The following CTNNA3 variants were observed in gnomAD, a reference collection of about 807,000 sequenced individuals.
The protein encoded by CTNNA3 is catenin alpha 3.
CTNNA3 carries 76 observed loss-of-function variants against 95.7 expected under a neutral mutation model. That is an observed-to-expected ratio of 0.79 (90% CI 0.66 to 0.96). CTNNA3 has a LOEUF of 0.96. Among genes scored for constraint, CTNNA3 ranks in the 40% least tolerant of loss-of-function variants. The pLI is 0.00. For synonymous variants in CTNNA3, 431 were observed against 374.4 expected (o/e 1.15, Z -1.74); for missense variants, 1,191 against 1,089.8 (o/e 1.09, Z -1.31).
chr10:66,360,660 TTC>T lies in CTNNA3; in HGVS notation c.1732+18490_1732+18491del, dbSNP rs2092653094. Reference sequence around the variant, plus strand: ...CTTTCTTTCTTTCTTTCTTTCTTTCTTCCTTCCTTCCTTCCTTCCTTCCTTCC... The same window carrying T: ...CTTTCTTTCTTTCTTTCTTTCTTTCTCTTCCTTCCTTCCTTCCTTCCTTCC... On this transcript the variant is annotated intron_variant, in intron 12 of 17. Coordinates refer to ENST00000433211, the MANE Select transcript of CTNNA3 (RefSeq NM_013266.4). Among the ~76,000 whole-genome samples the T allele has an allele frequency of 2.4e-4, 8 of 32,804 alleles. 1 individual carries two copies. The highest frequency in any genetic ancestry group is 6.4e-4 in the African/African-American group (7 of 10,904). The allele number at this position is 32,804 out of a possible 152,430, so 21.5% of individuals were successfully genotyped here.
chr10:67,148,520 C>A lies in CTNNA3; in HGVS notation c.1047+31797G>T, dbSNP rs138575130. On this transcript the variant is annotated intron_variant, in intron 7 of 17. Transcript: ENST00000433211. ...TAGGATGGAATGACTTTGATTCTCC[C>A]AATTTAAATCCTAGCTTGCCTGAAA... 6.2e-3 allele frequency among the ~76,000 whole-genome samples: 946 copies of A among 152,286 alleles called. 8 individuals carry two copies. The highest frequency in any genetic ancestry group is 0.022 in the African/African-American group (903 of 41,546).
At chr10:66,174,169 A>C (rs1351363192) in intron 13 of CTNNA3, among the ~76,000 whole-genome samples, 2 of 152,154 alleles carry the variant, frequency 1.3e-5, no homozygotes, top group Non-Finnish European at 2.9e-5. Flanking sequence ...AGCTAGAAAA[A>C]GGCGGATTGG....
intron 1 of CTNNA3, among the ~76,000 whole-genome samples, chr10:67,761,875 CAAAA>C (rs56264829): frequency 7.5e-6 from 1 of 132,608 alleles, no homozygotes; most frequent in Non-Finnish European, 1.6e-5. Context: ...AAGACTCCGT[CAAAA>C]AAAAAAAAAA....
At chr10:66,949,614 G>T (rs774692605) in intron 7 of CTNNA3, among the ~76,000 whole-genome samples, 56 of 151,776 alleles carry the variant, frequency 3.7e-4, no homozygotes, top group African/African-American at 1.3e-3. Flanking sequence ...GACCTGTTAG[G>T]TTGAAAACAT....
chr10:65,950,939 C>A (rs1216956361), intron 17 of CTNNA3, among the ~76,000 whole-genome samples: 1 of 151,832 alleles, frequency 6.6e-6, no homozygotes, highest in Admixed American at 6.6e-5. Flanking sequence ...TGTAATTGCA[C>A]AAAAGGGATC....
At chr10:66,784,016 A>G (rs1469813909) in intron 7 of CTNNA3, among the ~76,000 whole-genome samples, 3 of 152,270 alleles carry the variant, frequency 2.0e-5, no homozygotes, top group East Asian at 3.9e-4. Flanking sequence ...TGGAAAGTCT[A>G]TGAAACTTAG....
upstream of CTNNA3, among the ~76,000 whole-genome samples, chr10:67,698,477 A>G (rs905285131): frequency 2.0e-5 from 3 of 152,174 alleles, no homozygotes; most frequent in Admixed American, 6.5e-5. Context: ...CCCTGTCAGT[A>G]GCCTCTCTTG....
intron 5 of CTNNA3, among the ~76,000 whole-genome samples, chr10:67,348,928 G>C (rs913205321): frequency 6.6e-6 from 1 of 152,080 alleles, no homozygotes. Context: ...AACTTGAACA[G>C]ACTATGTCAC....
intron 7 of CTNNA3, among the ~76,000 whole-genome samples, chr10:67,158,469 G>A (rs189540352): frequency 4.6e-5 from 7 of 152,212 alleles, no homozygotes; most frequent in Admixed American, 3.9e-4. Context: ...CAAAATAGAT[G>A]GGCTCTCGAC....
At chr10:66,434,547 T>G (rs1278248630) in intron 11 of CTNNA3, among the ~76,000 whole-genome samples, 3 of 152,186 alleles carry the variant, frequency 2.0e-5, no homozygotes, top group African/African-American at 7.2e-5. Context: ...ATTTTGGGGC[T>G]GAGATGACAG....
intron 5 of CTNNA3, among the ~76,000 whole-genome samples, chr10:67,342,161 G>T (rs1174034432): frequency 7.6e-6 from 1 of 130,734 alleles, no homozygotes; most frequent in South Asian, 2.5e-4. Flanking sequence ...GAGTGCAAAG[G>T]CGCGGTCTCG....
At chr10:66,792,436 T>C (rs1564686625) in intron 7 of CTNNA3, among the ~76,000 whole-genome samples, 1 of 152,190 alleles carries the variant, frequency 6.6e-6, no homozygotes, top group Non-Finnish European at 1.5e-5. Context: ...TAATTATTTA[T>C]GTCTAGGTGG....
intron 10 of CTNNA3, among the ~76,000 whole-genome samples, chr10:66,568,381 G>T (rs1269823973): frequency 6.6e-6 from 1 of 152,094 alleles, no homozygotes; most frequent in Non-Finnish European, 1.5e-5. Context: ...AAACACTAGA[G>T]AAATATGAAA....
At chr10:67,322,501 T>A (rs1841364659) in intron 5 of CTNNA3, among the ~76,000 whole-genome samples, 2 of 152,226 alleles carry the variant, frequency 1.3e-5, no homozygotes, top group South Asian at 4.1e-4. Flanking sequence ...TCTGCTTTAG[T>A]TTGCTAAGAA....
intron 7 of CTNNA3, among the ~76,000 whole-genome samples, chr10:67,086,781 A>G (rs1157798974): frequency 6.6e-6 from 1 of 152,012 alleles, no homozygotes; most frequent in Admixed American, 6.6e-5. Context: ...AGTTGCTTCT[A>G]TAACAATTCC....
At chr10:66,462,101 C>T (rs772011949) in intron 11 of CTNNA3, among the ~76,000 whole-genome samples, 5 of 152,122 alleles carry the variant, frequency 3.3e-5, no homozygotes, top group East Asian at 1.9e-4. Flanking sequence ...TGAGCCACCA[C>T]GCCCAGCCAT....
At chr10:67,380,617 T>C (rs995438498) in intron 5 of CTNNA3, among the ~76,000 whole-genome samples, 1 of 152,202 alleles carries the variant, frequency 6.6e-6, no homozygotes, top group Non-Finnish European at 1.5e-5. Flanking sequence ...ACTGTCTAAA[T>C]GAATGGTACA....
rs549112632 is a variant in CTNNA3, at chr10:66,840,277, C to A, written c.1048-64753G>T. Among the ~76,000 whole-genome samples, 154 of 146,654 alleles carry A rather than the reference C, an allele frequency of 1.1e-3. No homozygotes were observed. In the Middle Eastern group the frequency reaches 0.025, roughly 24 times the overall value. On this transcript the variant is annotated intron_variant, in intron 7 of 17. Transcript: ENST00000433211. ...TAATGTCAGGCAGACTCTGGCTTAC[C>A]CTTAACTTAAGGACTTAGATCCTGC...
At position 66,063,223 on chromosome 10, in the gene CTNNA3, TATAGATAGATAG is replaced by T. The variant is rs34448730; in HGVS notation, c.2159+6073_2159+6084del. Among the ~76,000 whole-genome samples the T allele has an allele frequency of 3.1e-3, 369 of 117,734 alleles. 1 individual carries two copies. Among genetic ancestry groups the T allele is most frequent in the Admixed American group, 6.3e-3 (72 of 11,440 alleles). The allele number at this position is 117,734 out of a possible 152,430, so 77.2% of individuals were successfully genotyped here. On this transcript the variant is annotated intron_variant, in intron 15 of 17. Transcript: ENST00000433211. Reference sequence around the variant, plus strand: ...ATATATATATATATATAGATATAGATATAGATAGATAGATAGATAGATAGATAGATCTATATA... The same window carrying T: ...ATATATATATATATATAGATATAGATATAGATAGATAGATAGATCTATATA...
Sources: allele counts gnomAD v4.1 joint callset (sites outside exome capture counted in the v4.1 genomes callset), GRCh38; gene constraint gnomAD v4.1.1; transcripts MANE v1.5; gene names NCBI Gene and HGNC (gene_info 2026-07-23, HGNC 2026-07-21).